Variants in UNC13C observed in about 807,000 individuals in gnomAD.
The protein encoded by UNC13C is protein unc-13 homolog C.
Under a neutral mutation model 245.4 loss-of-function variants are expected in UNC13C, and 174 were observed. The ratio of observed to expected loss-of-function variants is 0.71; its 90% CI spans 0.63 to 0.80. UNC13C has a LOEUF of 0.80. Among genes scored for constraint, UNC13C ranks in the 30% least tolerant of loss-of-function variants. The pLI, the probability that UNC13C is intolerant of heterozygous loss-of-function variation, is 0.00. For synonymous variants in UNC13C, 992 were observed against 895.1 expected, an observed-to-expected ratio of 1.11 and a Z score of -1.93; for missense variants, 2,829 against 2,602.9, an observed-to-expected ratio of 1.09 and a Z score of -1.89.
intron 13 of UNC13C, chr15:54,321,611 C>A (rs1054153088): frequency 5.5e-6 from 2 of 363,442 alleles, no homozygotes; most frequent in South Asian, 2.7e-5. Flanking sequence ...AAAGCTTAAC[C>A]CTCTGATGCA....
intron 17 of UNC13C, among the ~76,000 whole-genome samples, chr15:54,368,559 G>A (rs1010168086): frequency 6.6e-6 from 1 of 151,754 alleles, no homozygotes; most frequent in African/African-American, 2.4e-5. Context: ...AGAAACCAAT[G>A]TGGTCTGCTA....
At chr15:54,525,412 CAA>C (rs75531604) in intron 24 of UNC13C, 135 bp from the exon 25 acceptor site, 22,245 of 381,182 alleles carry the variant, frequency 0.058, 80 homozygotes, top group African/African-American at 0.1. Flanking sequence ...TTTCAAAGAC[CAA>C]AAAAAAAAAA....
intron 17 of UNC13C, among the ~76,000 whole-genome samples, chr15:54,355,577 C>T (rs111919878): frequency 2.0e-5 from 3 of 152,104 alleles, no homozygotes; most frequent in Admixed American, 6.5e-5. Context: ...AGGCTGGTCT[C>T]GAGCTCCTGA....
the UNC13C span, among the ~76,000 whole-genome samples, chr15:53,863,177 G>A: frequency 1.3e-5 from 2 of 152,182 alleles, no homozygotes; most frequent in African/African-American, 4.8e-5. Flanking sequence ...GAAGAAAGAG[G>A]TGACAGGTCC....
intron 30 of UNC13C, among the ~76,000 whole-genome samples, chr15:54,588,937 A>G (rs1169747328): frequency 6.6e-6 from 1 of 152,208 alleles, no homozygotes; most frequent in Non-Finnish European, 1.5e-5. Flanking sequence ...TTGTGTTGCT[A>G]TAAACATGCA....
rs190246635 is a variant in UNC13C at position 54,390,367 on chromosome 15, A to C, written c.4714-2681A>C. Reference sequence around the variant, plus strand: ...CTATATGCTTTTCTGTAATGAAATGACTTTGTAAACATGACCATTGGAACT... The same window carrying C: ...CTATATGCTTTTCTGTAATGAAATGCCTTTGTAAACATGACCATTGGAACT... On this transcript the variant is annotated intron_variant, in intron 17 of 32. Transcript: ENST00000260323. Among the ~76,000 whole-genome samples, 19 of 152,274 alleles carry C rather than the reference A, an allele frequency of 1.2e-4. No individual in the cohort carries two copies. In the East Asian group the frequency reaches 3.5e-3, roughly 28 times the overall value.
Position 54,322,057 on chromosome 15 carries a change from G to A in UNC13C, c.4387G>A (p.Val1463Ile). ...AHTTVSTNIQ[V>I]SASDRFAATN... ...CACAACAGTTTCAACAAACATACAG[G>A]TTTCTGCCTCAGATCGATTTGCTGC... Residue 1463 changes from valine to isoleucine, a missense_variant, in exon 14 of 33, where the codon GTT (valine) becomes ATT (isoleucine). Physicochemically the swap from Val to Ile is conservative, Grantham distance 29 (BLOSUM62 3). Coordinates refer to ENST00000260323, the MANE Select transcript of UNC13C (RefSeq NM_001080534.3). 2.5e-6 allele frequency: 4 copies of A among 1,588,234 alleles called. No homozygotes were observed. Among genetic ancestry groups the A allele is most frequent in the Non-Finnish European group, 3.4e-6 (4 of 1,166,550 alleles).
chr15:54,216,188 G>A (rs2035033823), intron 4 of UNC13C, among the ~76,000 whole-genome samples: 1 of 151,916 alleles, frequency 6.6e-6, no homozygotes, highest in African/African-American at 2.4e-5. Flanking sequence ...CGAAAGCCTG[G>A]AGCCCCGATT....
At chr15:53,921,379 T>C in the UNC13C span, among the ~76,000 whole-genome samples, 7 of 152,204 alleles carry the variant, frequency 4.6e-5, no homozygotes, top group Non-Finnish European at 8.8e-5. Flanking sequence ...TATAGCTCTT[T>C]TTTAAAAGGA....
intron 2 of UNC13C, among the ~76,000 whole-genome samples, chr15:54,138,076 G>C (rs1441989299): frequency 6.6e-6 from 1 of 151,978 alleles, no homozygotes; most frequent in Non-Finnish European, 1.5e-5. Flanking sequence ...GGTTCTTCAG[G>C]AGTGTGTTGT....
intron 2 of UNC13C, among the ~76,000 whole-genome samples, chr15:54,124,558 A>G (rs1290714420): frequency 1.3e-5 from 2 of 151,980 alleles, no homozygotes; most frequent in Non-Finnish European, 2.9e-5. Flanking sequence ...GTGATTTACA[A>G]TTTTTTTCTT....
At chr15:54,553,745 T>A (rs1382404564) in intron 28 of UNC13C, among the ~76,000 whole-genome samples, 1 of 151,564 alleles carries the variant, frequency 6.6e-6, no homozygotes, top group Non-Finnish European at 1.5e-5. Flanking sequence ...TAAAAAATTA[T>A]TTCTAGTAAG....
chr15:54,617,763 C>T (rs1900539451), intron 30 of UNC13C, among the ~76,000 whole-genome samples: 2 of 152,010 alleles, frequency 1.3e-5, no homozygotes, highest in Non-Finnish European at 2.9e-5. Context: ...TTGGATGATG[C>T]CTAATGACTT....
intron 19 of UNC13C, among the ~76,000 whole-genome samples, chr15:54,437,357 C>T (rs1330242609): frequency 6.6e-6 from 1 of 151,920 alleles, no homozygotes; most frequent in Non-Finnish European, 1.5e-5. Context: ...ATTATATAAG[C>T]TTCAAAGGAA....
At chr15:54,351,046 T>G (rs1049898340) in intron 17 of UNC13C, among the ~76,000 whole-genome samples, 3 of 152,224 alleles carry the variant, frequency 2.0e-5, no homozygotes, top group African/African-American at 7.2e-5. Context: ...TGATGAGTCT[T>G]GAATCTGTTA....
chr15:54,313,004 AG>A (rs1427385300), intron 13 of UNC13C, among the ~76,000 whole-genome samples: 1 of 151,700 alleles, frequency 6.6e-6, no homozygotes, highest in African/African-American at 2.4e-5. Flanking sequence ...TTTTCTTGGA[AG>A]TTTCCATGGG....
chr15:54,445,346 G>T (rs1890750553), intron 19 of UNC13C, among the ~76,000 whole-genome samples: 1 of 152,134 alleles, frequency 6.6e-6, no homozygotes, highest in Non-Finnish European at 1.5e-5. Flanking sequence ...TGGGATGGCT[G>T]AGTCAAATGG....
At position 54,455,319 on chromosome 15, in the gene UNC13C, A is replaced by G. The variant is rs1891457701; in HGVS notation, c.4934-39289A>G. On this transcript the variant is annotated intron_variant, in intron 19 of 32. Coordinates refer to ENST00000260323, the MANE Select transcript of UNC13C (RefSeq NM_001080534.3). Reference sequence around the variant, plus strand: ...AATCGCAAATTGTGCTGCTATAAGTATGCATGTGCAGTGTCTTTTTCAAAT... The same window carrying G: ...AATCGCAAATTGTGCTGCTATAAGTGTGCATGTGCAGTGTCTTTTTCAAAT... Among the ~76,000 whole-genome samples, 3 of 148,456 alleles carry G rather than the reference A, an allele frequency of 2.0e-5. No individual in the cohort carries two copies. The South Asian group carries it at 6.5e-4, about 32-fold the overall frequency.
At chr15:54,050,088 G>A (rs1595769430) in intron 2 of UNC13C, 2 of 325,238 alleles carry the variant, frequency 6.1e-6, no homozygotes, top group East Asian at 7.9e-5. Context: ...TCCTGCCTCA[G>A]CCTCCCAAGT....
Sources: gnomAD v4.1 joint callset for allele counts (sites outside exome capture counted in the v4.1 genomes callset) on GRCh38, gnomAD v4.1.1 for gene constraint, MANE v1.5 for transcripts, NCBI Gene and HGNC (gene_info 2026-07-23, HGNC 2026-07-21) for gene names.